Variants in BARD1 observed in about 807,000 individuals in gnomAD.
BARD1 encodes the protein BRCA1-associated RING domain protein 1.
A neutral mutation model predicts 77.0 loss-of-function variants in BARD1; 73 were observed. The ratio of observed to expected loss-of-function variants is 0.95; its 90% CI spans 0.79 to 1.15. The LOEUF (loss-of-function observed/expected upper bound fraction) is 1.15. Ranked by LOEUF, BARD1 falls within the 50% of genes most tolerant of loss-of-function variation. The pLI, the probability that BARD1 is intolerant of heterozygous loss-of-function variation, is 0.00. For synonymous variants in BARD1, 384 were observed against 338.0 expected (o/e 1.14, Z -1.49); for missense variants, 993 against 938.8 (o/e 1.06, Z -0.75).
chr2:214,765,777 A>C (rs1037309154), intron 6 of BARD1, among the ~76,000 whole-genome samples: 2 of 151,996 alleles, frequency 1.3e-5, no homozygotes, highest in African/African-American at 4.8e-5. Context: ...CACAAATAAA[A>C]ACCGGAAGAA....
Position 214,797,050 on chromosome 2 carries a change from T to C in BARD1, c.215+11A>G, listed in dbSNP as rs781106065. On this transcript the variant is annotated intron_variant, in intron 2 of 10. Coordinates refer to ENST00000260947, the MANE Select transcript of BARD1 (RefSeq NM_000465.4). ...CAGTTGTACTATATACATCAAACCG[T>C]AATTACTTACCTACAGAAGATGTGC... 1 of 1,601,662 alleles carries C rather than the reference T, an allele frequency of 6.2e-7. No individual in the cohort carries two copies. Among genetic ancestry groups the C allele is most frequent in the Admixed American group, 1.7e-5 (1 of 59,982 alleles).
chr2:214,765,655 AAT>A (rs1694162112), intron 6 of BARD1, among the ~76,000 whole-genome samples: 1 of 152,158 alleles, frequency 6.6e-6, no homozygotes, highest in Non-Finnish European at 1.5e-5. Context: ...TGCGTTACCA[AAT>A]AGCTTGCAAC....
intron 2 of BARD1, among the ~76,000 whole-genome samples, chr2:214,795,908 C>T (rs1365718248): frequency 6.6e-6 from 1 of 152,112 alleles, no homozygotes; most frequent in Non-Finnish European, 1.5e-5. Context: ...CCATCTCCTA[C>T]CCCCCATCCT....
chr2:214,767,611 A>G lies in BARD1; in HGVS notation c.1439T>C (p.Leu480Ser), dbSNP rs149839922. 3.7e-6 allele frequency: 6 copies of G among 1,613,978 alleles called. No homozygotes were observed. The African/African-American group carries it at 8.0e-5, about 22-fold the overall frequency. The change falls in exon 6 of 11, where the codon TTG (leucine) becomes TCG (serine). Residue 480 changes from leucine (L) to serine (S), a missense_variant. Physicochemically the swap from Leu to Ser is moderately radical, Grantham distance 145. Coordinates refer to ENST00000260947, the MANE Select transcript of BARD1 (RefSeq NM_000465.4). The stretch of plus-strand genomic sequence containing the variant: ...GTTCACCAATGCCTTATGCTGGAGC[A>G]ATAATTCCACTACCTTCAGGTGCCC... ...NHGHLKVVELLLQHKALVNTT... is the reference protein window; with the variant it reads ...NHGHLKVVELSLQHKALVNTT...
At chr2:214,787,834 A>G (rs1695340437) in intron 3 of BARD1, among the ~76,000 whole-genome samples, 1 of 152,016 alleles carries the variant, frequency 6.6e-6, no homozygotes, top group African/African-American at 2.4e-5. Context: ...GATTATAATC[A>G]TGTACACTGT....
At chr2:214,753,458 T>C (rs551940215) in intron 6 of BARD1, among the ~76,000 whole-genome samples, 1 of 152,290 alleles carries the variant, frequency 6.6e-6, no homozygotes, top group Non-Finnish European at 1.5e-5. Flanking sequence ...TTAAAGATTA[T>C]GCTATATTCA....
chr2:214,766,308 T>G (rs1311374118), intron 6 of BARD1, among the ~76,000 whole-genome samples: 14 of 152,158 alleles, frequency 9.2e-5, no homozygotes. Context: ...ATAATTCAAC[T>G]GCCCCGGCCC....
chr2:214,802,172 A>T (rs1696055004), intron 1 of BARD1, among the ~76,000 whole-genome samples: 6 of 152,122 alleles, frequency 3.9e-5, no homozygotes, highest in Admixed American at 3.9e-4. Context: ...TAGAAATCAC[A>T]CTTTGAATTT....
chr2:214,751,146 T>C (rs1419197081), intron 7 of BARD1, among the ~76,000 whole-genome samples: 1,814 of 42,844 alleles, frequency 0.042, 607 homozygotes, highest in East Asian at 0.086. Context: ...TATATATATA[T>C]ATATATTTTT....
intron 1 of BARD1, among the ~76,000 whole-genome samples, chr2:214,797,375 AG>A (rs1470266491): frequency 6.6e-6 from 1 of 152,208 alleles, no homozygotes; most frequent in East Asian, 1.9e-4. Context: ...AGAAAGTTGG[AG>A]AAAGGAACAA....
At chr2:214,744,153 G>C (rs148073423) in intron 9 of BARD1, among the ~76,000 whole-genome samples, 2 of 152,128 alleles carry the variant, frequency 1.3e-5, no homozygotes, top group East Asian at 3.9e-4. Context: ...GAGAATCCAA[G>C]TAGAAATGTA....
At chr2:214,755,450 A>T (rs187160051) in intron 6 of BARD1, among the ~76,000 whole-genome samples, 1 of 152,314 alleles carries the variant, frequency 6.6e-6, no homozygotes, top group African/African-American at 2.4e-5. Flanking sequence ...GGAGGGACAC[A>T]TAAGACTTAG....
intron 2 of BARD1, among the ~76,000 whole-genome samples, chr2:214,793,218 C>T (rs1695612920): frequency 6.6e-6 from 1 of 152,080 alleles, no homozygotes; most frequent in South Asian, 2.1e-4. Context: ...GTCACAGGAC[C>T]CAATCCTCTG....
At chr2:214,770,833 CTTTT>C (rs552420126) in intron 4 of BARD1, among the ~76,000 whole-genome samples, 96 of 152,244 alleles carry the variant, frequency 6.3e-4, no homozygotes, top group Middle Eastern at 6.8e-3. Flanking sequence ...TCCCACTCTT[CTTTT>C]TTATTTTCCT....
chr2:214,726,907 G>C lies in BARD1; in HGVS notation c.*1769C>G, dbSNP rs554488861. 4.4e-6 allele frequency: 1 copy of C among 228,740 alleles called. No homozygotes were observed. The highest frequency in any genetic ancestry group is 5.7e-5 in the Admixed American group (1 of 17,652). 14.2% of individuals were successfully genotyped at this position (228,740 alleles called of 1,614,324 possible). A position where few individuals can be genotyped will look rare whatever the true frequency, so the allele number is the denominator to read the frequency against. ...ACCTCATAGGTGTCTTTACAATCAG[G>C]AATTCAGATGCAAGGAACAGACACA... On this transcript the variant is annotated 3_prime_UTR_variant, in exon 11 of 11. Transcript: ENST00000260947.
intron 4 of BARD1, among the ~76,000 whole-genome samples, chr2:214,780,065 CTTTG>C (rs1694908319): frequency 6.6e-6 from 1 of 152,154 alleles, no homozygotes; most frequent in Non-Finnish European, 1.5e-5. Context: ...AAAGCAGCTC[CTTTG>C]TGGTGAACTG....
intron 7 of BARD1, among the ~76,000 whole-genome samples, chr2:214,746,765 T>C (rs905767489): frequency 1.3e-5 from 2 of 152,036 alleles, no homozygotes; most frequent in Non-Finnish European, 2.9e-5. Context: ...GAAGAAAACG[T>C]AGGCAATACC....
intron 10 of BARD1, 122 bp from the exon 11 acceptor site, chr2:214,729,130 G>C (rs1692236976): frequency 8.5e-7 from 1 of 1,169,816 alleles, no homozygotes; most frequent in African/African-American, 1.6e-5. Context: ...ATTTGGAGGA[G>C]AAGCATTTCA....
chr2:214,765,484 GA>G (rs1275602530), intron 6 of BARD1, among the ~76,000 whole-genome samples: 1 of 152,174 alleles, frequency 6.6e-6, no homozygotes, highest in Non-Finnish European at 1.5e-5. Context: ...CCAAGGCACA[GA>G]AATTAACCTG....
Sources: gnomAD v4.1 joint callset for allele counts (sites outside exome capture counted in the v4.1 genomes callset) on GRCh38, gnomAD v4.1.1 for gene constraint, MANE v1.5 for transcripts, NCBI Gene and HGNC (gene_info 2026-07-23, HGNC 2026-07-21) for gene names.